BLTP2: variants seen among roughly 807,000 people sequenced by gnomAD.
BLTP2 encodes bridge-like lipid transfer protein family member 2, also known as U937-associated antigen.
the BLTP2 span, chr17:28,634,545 C>T: frequency 6.2e-7 from 1 of 1,613,860 alleles, no homozygotes; most frequent in South Asian, 1.1e-5. Flanking sequence ...TGCACTTGAG[C>T]ATTCGACACC....
At chr17:28,614,966 C>A in the BLTP2 span, 3 of 1,205,692 alleles carry the variant, frequency 2.5e-6, no homozygotes, top group Non-Finnish European at 3.5e-6. Flanking sequence ...CTGACACCCA[C>A]AAATCCTCGT....
At chr17:28,635,080 C>G in the BLTP2 span, 12 of 1,613,342 alleles carry the variant, frequency 7.4e-6, no homozygotes, top group Non-Finnish European at 9.3e-6. Context: ...ATCTAGAGTT[C>G]GAGAAAAGTC....
At chr17:28,619,683 C>G in the BLTP2 span, 2 of 1,613,992 alleles carry the variant, frequency 1.2e-6, no homozygotes, top group Non-Finnish European at 1.7e-6. Context: ...CTTCACTTTC[C>G]AGCTGCAGGT....
the BLTP2 span, chr17:28,628,214 A>G: frequency 6.7e-7 from 1 of 1,499,102 alleles, no homozygotes; most frequent in Non-Finnish European, 9.2e-7. Context: ...GTCCAAGCCC[A>G]TATCCATGTT....
chr17:28,630,100 G>A, the BLTP2 span, among the ~76,000 whole-genome samples: 3 of 152,138 alleles, frequency 2.0e-5, no homozygotes, highest in Admixed American at 2.0e-4. Flanking sequence ...TTGAGCTCAA[G>A]GGATCCACCC....
chr17:28,640,145 A>T, the BLTP2 span: 5 of 1,149,140 alleles, frequency 4.4e-6, no homozygotes, highest in African/African-American at 1.6e-5. Flanking sequence ...TTGTAATCCC[A>T]GCCCTTTGGG....
the BLTP2 span, chr17:28,620,908 C>T: frequency 1.3e-4 from 176 of 1,332,720 alleles, no homozygotes; most frequent in East Asian, 3.7e-3. Context: ...AATAACTCTA[C>T]TGTCTCAAAA....
At chr17:28,621,196 G>C in the BLTP2 span, 1 of 1,604,480 alleles carries the variant, frequency 6.2e-7, no homozygotes, top group South Asian at 1.1e-5. Flanking sequence ...AAAGAGATAA[G>C]AAAAAGACAT....
the BLTP2 span, chr17:28,621,074 T>C: frequency 6.2e-7 from 1 of 1,614,174 alleles, no homozygotes; most frequent in Non-Finnish European, 8.5e-7. Flanking sequence ...AGGATCAATG[T>C]CATGGCTGTA....
chr17:28,631,674 T>C, the BLTP2 span: 1 of 1,613,986 alleles, frequency 6.2e-7, no homozygotes, highest in Non-Finnish European at 8.5e-7. Flanking sequence ...GCCGCATCAC[T>C]GTGCCTGCTG....
At chr17:28,627,529 C>A in the BLTP2 span, among the ~76,000 whole-genome samples, 2 of 152,106 alleles carry the variant, frequency 1.3e-5, no homozygotes, top group Middle Eastern at 3.4e-3. Flanking sequence ...GCCTCAGCCT[C>A]CCAAGTAGCT....
chr17:28,637,294 C>G, the BLTP2 span: 18 of 780,956 alleles, frequency 2.3e-5, no homozygotes, highest in Non-Finnish European at 3.6e-5. Context: ...AAGTTCATTT[C>G]TTAGGTTTTA....
At chr17:28,624,271 A>T in the BLTP2 span, 1 of 1,614,224 alleles carries the variant, frequency 6.2e-7, no homozygotes, top group Non-Finnish European at 8.5e-7. Flanking sequence ...TTTCGGTTGT[A>T]TATGTCATCC....
chr17:28,627,894 CA>C, the BLTP2 span, among the ~76,000 whole-genome samples: 1 of 152,110 alleles, frequency 6.6e-6, no homozygotes, highest in Non-Finnish European at 1.5e-5. Context: ...CTCCTCACTT[CA>C]AGTGACCCAC....
the BLTP2 span, chr17:28,639,707 G>C: frequency 7.9e-6 from 12 of 1,513,202 alleles, no homozygotes; most frequent in Admixed American, 1.7e-5. Context: ...AACTGGGAGA[G>C]GGTCAGAAGC....
chr17:28,640,702 A>G, the BLTP2 span: 42 of 1,613,024 alleles, frequency 2.6e-5, no homozygotes, highest in Non-Finnish European at 3.2e-5. Context: ...ATGAATGAAT[A>G]ACGTAAGAAC....
chr17:28,617,211 G>A, the BLTP2 span: 2 of 1,601,518 alleles, frequency 1.2e-6, no homozygotes, highest in Non-Finnish European at 1.7e-6. Context: ...AATGGACTAG[G>A]AAAGGGGAAA....
the BLTP2 span, chr17:28,615,073 C>T: frequency 6.2e-7 from 1 of 1,613,196 alleles, no homozygotes; most frequent in Non-Finnish European, 8.5e-7. Flanking sequence ...ATCATTTGCG[C>T]CTGCCAAAGA....
At chr17:28,633,898 G>C in the BLTP2 span, 1 of 1,614,054 alleles carries the variant, frequency 6.2e-7, no homozygotes, top group Non-Finnish European at 8.5e-7. Context: ...TACTCACAGT[G>C]AAAGTCATGG....
Sources: gnomAD v4.1 joint callset for allele counts (sites outside exome capture counted in the v4.1 genomes callset) on GRCh38, gnomAD v4.1.1 for gene constraint, MANE v1.5 for transcripts, NCBI Gene and HGNC (gene_info 2026-07-23, HGNC 2026-07-21) for gene names.